The following GID4 variants were observed in gnomAD, a reference collection of about 807,000 sequenced individuals.
GID4 encodes the protein glucose-induced degradation protein 4 homolog.
A neutral mutation model predicts 32.4 loss-of-function variants in GID4; 7 were observed. The ratio of observed to expected loss-of-function variants is 0.22; its 90% CI spans 0.12 to 0.41. The LOEUF (loss-of-function observed/expected upper bound fraction) is 0.41. Among genes scored for constraint, GID4 ranks in the 10% least tolerant of loss-of-function variants. The probability of loss-of-function intolerance (pLI) is 1.00; values close to 1 mark genes in which losing one functional copy is unlikely to be tolerated. For synonymous variants in GID4, 166 were observed against 170.0 expected (o/e 0.98, Z 0.18); for missense variants, 309 against 400.0 (o/e 0.77, Z 1.94).
intron 2 of GID4, among the ~76,000 whole-genome samples, chr17:18,046,800 T>A (rs1215425899): frequency 1.3e-5 from 2 of 151,678 alleles, no homozygotes; most frequent in Non-Finnish European, 2.9e-5. Flanking sequence ...CAGGCACCTG[T>A]AATTCCAGCT....
chr17:18,063,185 G>C (rs2045031400), intron 5 of GID4, among the ~76,000 whole-genome samples: 1 of 148,594 alleles, frequency 6.7e-6, no homozygotes, highest in African/African-American at 2.5e-5. Flanking sequence ...GCCGAGGTGG[G>C]CAGATCACGA....
At chr17:18,047,897 G>A (rs982342867) in intron 2 of GID4, among the ~76,000 whole-genome samples, 2 of 151,902 alleles carry the variant, frequency 1.3e-5, no homozygotes, top group Non-Finnish European at 2.9e-5. Flanking sequence ...GTGCAACTAT[G>A]TGATAACTTT....
In GID4 at chr17:18,039,437, G is replaced by A. The variant is rs2145538406; in HGVS notation, c.-28G>A. On this transcript the variant is annotated 5_prime_UTR_variant, in exon 1 of 6. In the 5' UTR this introduces an upstream ATG that the reference lacks. Coordinates refer to ENST00000268719, the MANE Select transcript of GID4 (RefSeq NM_024052.5). The surrounding 1 kb of genome is among the most constrained non-coding windows in gnomAD (Gnocchi z 5.3). ...GTGTGTCTGTGTGTGTTTGTGTGTT[G>A]TGTGTCTGTGAGTGTCTGTGTGTGT... 1.5e-6 allele frequency: 2 copies of A among 1,366,530 alleles called. No homozygotes were observed. The highest frequency in any genetic ancestry group is 9.5e-7 in the Non-Finnish European group (1 of 1,048,172). 84.7% of individuals were successfully genotyped at this position (1,366,530 alleles called of 1,614,324 possible).
chr17:18,063,149 C>T (rs968200297), intron 5 of GID4, among the ~76,000 whole-genome samples: 5 of 150,516 alleles, frequency 3.3e-5, no homozygotes, highest in South Asian at 2.1e-4. Flanking sequence ...CAGTAGCTCA[C>T]GCCTGTAATC....
chr17:18,045,037 G>A (rs2044839213), intron 1 of GID4, 110 bp from the exon 2 acceptor site: 8 of 758,514 alleles, frequency 1.1e-5, no homozygotes, highest in Non-Finnish European at 1.8e-5. Context: ...GGACTGCCCT[G>A]GGTGTTCACT....
Position 18,067,163 on chromosome 17 carries a change from T to TGTC in GID4, c.*1921_*1923dup, listed in dbSNP as rs2045071726. ...AGTGAAGGAGGCCATGGGGCTGTGC[T>TGTC]GTCCTTCCTGCCGTACGTGCCATTC... On this transcript the variant is annotated 3_prime_UTR_variant, in exon 6 of 6. Coordinates refer to ENST00000268719, the MANE Select transcript of GID4 (RefSeq NM_024052.5). 1 of 152,426 alleles carries TGTC rather than the reference T, an allele frequency of 6.6e-6. No homozygotes were observed. 9.4% of individuals were successfully genotyped at this position (152,426 alleles called of 1,614,324 possible).
rs767387883 is a variant in GID4, at chr17:18,039,758, T to A, written c.294T>A (p.Ala98=). The change falls in exon 1 of 6, where the codon GCT becomes GCA. Residue 98 remains alanine (A), a synonymous_variant. Coordinates refer to ENST00000268719, the MANE Select transcript of GID4 (RefSeq NM_024052.5). The surrounding 1 kb of genome is among the most constrained non-coding windows in gnomAD (Gnocchi z 5.3). The stretch of plus-strand genomic sequence containing the variant: ...GTCCCCCGCCGGCCGGTGCCTCCGC[T>A]GCCTCCGCGGCCTCACTCATCCCGC... ...TECPPPAGAS[A]ASAASLIPPP... 5 of 1,563,812 alleles carry A rather than the reference T, an allele frequency of 3.2e-6. No homozygotes were observed. The Admixed American group carries it at 9.2e-5, about 29-fold the overall frequency.
At chr17:18,056,754 T>C (rs1354935102) in intron 3 of GID4, 1 of 1,550,530 alleles carries the variant, frequency 6.4e-7, no homozygotes, top group South Asian at 1.2e-5. Context: ...GACTGAAACA[T>C]TTTGGGTGAG....
In GID4 at chr17:18,061,135, T is replaced by G. The variant is rs1389503830; in HGVS notation, c.709-710T>G. 6.6e-6 allele frequency among the ~76,000 whole-genome samples: 1 copy of G among 152,200 alleles called. No homozygotes were observed. On this transcript the variant is annotated intron_variant, in intron 4 of 5. Transcript: ENST00000268719. This position sits in a 1 kb window ranked among gnomAD's most constrained non-coding sequence, Gnocchi z 4.4. Reference sequence around the variant, plus strand: ...TAAAAAGCAATGGGCTTGTTTTGCCTCCAAAGAATGTCTCAGAGTGGCTCA... The same window carrying G: ...TAAAAAGCAATGGGCTTGTTTTGCCGCCAAAGAATGTCTCAGAGTGGCTCA...
Position 18,065,424 on chromosome 17 carries a change from G to T in GID4, c.*181G>T. ...AGGAGCATGGCTGGCCCGTGGGGCA[G>T]GTGGAGGGAGCAGTCTTCGTTCTTC... is the stretch of plus-strand genomic sequence containing the variant. On this transcript the variant is annotated 3_prime_UTR_variant, in exon 6 of 6. Transcript: ENST00000268719. 1 of 617,248 alleles carries T rather than the reference G, an allele frequency of 1.6e-6. No homozygotes were observed. The highest frequency in any genetic ancestry group is 1.9e-5 in the South Asian group (1 of 53,758). The allele number at this position is 617,248 out of a possible 1,614,324, so 38.2% of individuals were successfully genotyped here.
At chr17:18,058,471 G>A (rs752762548) in intron 3 of GID4, among the ~76,000 whole-genome samples, 14 of 152,150 alleles carry the variant, frequency 9.2e-5, no homozygotes, top group South Asian at 2.1e-4. Context: ...TCTGAGACTG[G>A]GCAGGCTGTT....
Position 18,039,827 on chromosome 17 carries a change from G to A in GID4, c.363G>A (p.Leu121=). ...AGCAGCCCGGCGTGGCCACCAGCCT[G>A]CTCTACAGCGGCTCCAAGTTCCGCG... ...NTQQPGVATS[L]LYSGSKFRGH... is the part of the protein sequence containing the mutation. The change falls in exon 1 of 6, where the codon CTG becomes CTA. Residue 121 remains leucine, a synonymous_variant. Coordinates refer to ENST00000268719, the MANE Select transcript of GID4 (RefSeq NM_024052.5). The surrounding 1 kb of genome is among the most constrained non-coding windows in gnomAD (Gnocchi z 5.3). The A allele has an allele frequency of 6.4e-7, 1 of 1,559,994 alleles. No individual in the cohort carries two copies. Among genetic ancestry groups the A allele is most frequent in the Non-Finnish European group, 8.7e-7 (1 of 1,152,756 alleles).
intron 5 of GID4, among the ~76,000 whole-genome samples, chr17:18,062,720 G>A (rs368670098): frequency 1.9e-4 from 29 of 152,160 alleles, no homozygotes; most frequent in African/African-American, 6.8e-4. Context: ...CTGTAGCCAC[G>A]ATTTTTAGGC....
chr17:18,047,451 C>T (rs374464112), intron 2 of GID4, among the ~76,000 whole-genome samples: 2 of 152,200 alleles, frequency 1.3e-5, no homozygotes, highest in African/African-American at 2.4e-5. Flanking sequence ...AAGTAGCATT[C>T]GAAATCTTGA....
At chr17:18,063,869 A>C (rs2045038171) in intron 5 of GID4, among the ~76,000 whole-genome samples, 1 of 151,938 alleles carries the variant, frequency 6.6e-6, no homozygotes, top group Non-Finnish European at 1.5e-5. Context: ...CAGCCTCCCG[A>C]GTAGCTAGGA....
chr17:18,065,782 C>T lies in GID4; in HGVS notation c.*539C>T, dbSNP rs937867309. On this transcript the variant is annotated 3_prime_UTR_variant, in exon 6 of 6. Transcript: ENST00000268719. ...GGGCACAAGAGGCGGAGGCTCCAGT[C>T]CCTGCTGGGCTGCCTCAGTCTTCAG... 1 of 184,000 alleles carries T rather than the reference C, an allele frequency of 5.4e-6. No individual in the cohort carries two copies. Among genetic ancestry groups the T allele is most frequent in the Non-Finnish European group, 1.1e-5 (1 of 87,526 alleles). The allele number at this position is 184,000 out of a possible 1,614,324, so 11.4% of individuals were successfully genotyped here.
At position 18,039,775 on chromosome 17, in the gene GID4, T is replaced by C; in HGVS notation, c.311T>C (p.Leu104Pro). Residue 104 changes from leucine (L) to proline (P), a missense_variant, in exon 1 of 6, where the codon CTC becomes CCC. Leu to Pro is a moderately conservative substitution (Grantham distance 98, BLOSUM62 -3). This residue lies in a region of GID4 where 193 missense variants were observed against 185.8 expected (regional missense o/e 1.04). Transcript: ENST00000268719. The surrounding 1 kb of genome is among the most constrained non-coding windows in gnomAD (Gnocchi z 5.3). ...GCCTCCGCTGCCTCCGCGGCCTCAC[T>C]CATCCCGCCGCCGCCCATCAACACC... ...AGASAASAAS[L>P]IPPPPINTQQ... The C allele has an allele frequency of 6.4e-7, 1 of 1,573,624 alleles. No individual in the cohort carries two copies. Among genetic ancestry groups the C allele is most frequent in the Non-Finnish European group, 8.6e-7 (1 of 1,162,038 alleles).
intron 1 of GID4, 97 bp from the exon 2 acceptor site, chr17:18,045,050 C>G: frequency 1.1e-6 from 1 of 893,398 alleles, no homozygotes; most frequent in East Asian, 2.4e-5. Flanking sequence ...TGTTCACTGA[C>G]CACCAGTCTG....
chr17:18,055,267 C>A (rs1425748246), intron 3 of GID4, among the ~76,000 whole-genome samples: 2 of 151,738 alleles, frequency 1.3e-5, no homozygotes, highest in Non-Finnish European at 1.5e-5. Context: ...TGAAGAAGTT[C>A]AATGGGTTTA....
Sources: allele counts gnomAD v4.1 joint callset (sites outside exome capture counted in the v4.1 genomes callset), GRCh38; gene constraint gnomAD v4.1.1; regional missense constraint gnomAD v4.1.1; non-coding constraint Gnocchi (gnomAD v3.1); transcripts MANE v1.5; gene names NCBI Gene and HGNC (gene_info 2026-07-23, HGNC 2026-07-21).